MASTL: variants seen among roughly 807,000 people sequenced by gnomAD.
MASTL encodes microtubule associated serine/threonine kinase like.
A neutral mutation model predicts 82.5 loss-of-function variants in MASTL; 54 were observed. The observed-to-expected ratio is 0.65, with a 90% confidence interval of 0.53 to 0.82. MASTL has a LOEUF of 0.82. MASTL is among the 40% of genes least tolerant of loss of function. MASTL has a pLI of 0.00. For synonymous variants in MASTL, 323 were observed against 368.9 expected (o/e 0.88, Z 1.43); for missense variants, 950 against 1,047.8 (o/e 0.91, Z 1.29).
intron 9 of MASTL, among the ~76,000 whole-genome samples, chr10:27,176,265 T>C (rs2058099392): frequency 6.6e-6 from 1 of 152,224 alleles, no homozygotes; most frequent in East Asian, 1.9e-4. Flanking sequence ...TTTTCTTCTC[T>C]GCCACTGTTC....
chr10:27,158,830 T>G lies in MASTL; in HGVS notation c.324+144T>G, dbSNP rs1302217743. 7 of 811,040 alleles carry G rather than the reference T, an allele frequency of 8.6e-6. No homozygotes were observed. In the African/African-American group the frequency reaches 1.2e-4, roughly 14 times the overall value. 50.2% of individuals were successfully genotyped at this position (811,040 alleles called of 1,614,324 possible). A position where few individuals can be genotyped will look rare whatever the true frequency, so the allele number is the denominator to read the frequency against. Reference sequence around the variant, plus strand: ...GCCTTGGCAAATTTACCTGTTATATTAGTTAGAGTTCTCCAAAGAAAAAGA... The same window carrying G: ...GCCTTGGCAAATTTACCTGTTATATGAGTTAGAGTTCTCCAAAGAAAAAGA... On this transcript the variant is annotated intron_variant, in intron 2 of 11. Coordinates refer to ENST00000375940, the MANE Select transcript of MASTL (RefSeq NM_001172303.3).
chr10:27,170,181 A>G lies in MASTL; in HGVS notation c.1222A>G (p.Asn408Asp). ...GGAAGCAGTAGAACTGGATGTAAAT[A>G]ATATAAATATGGACACTGACACAAG... ...SWEAVELDVNNINMDTDTSQL... is the reference protein window; with the variant it reads ...SWEAVELDVNDINMDTDTSQL... The change falls in exon 8 of 12, where the codon AAT becomes GAT. Residue 408 changes from asparagine (N) to aspartate (D), a missense_variant. Physicochemically the swap from Asn to Asp is conservative, Grantham distance 23. Transcript: ENST00000375940. 1 of 1,614,202 alleles carries G rather than the reference A, an allele frequency of 6.2e-7. No homozygotes were observed. Among genetic ancestry groups the G allele is most frequent in the Non-Finnish European group, 8.5e-7 (1 of 1,180,026 alleles).
rs768619928 is a variant in MASTL at position 27,170,136 on chromosome 10, T to C, written c.1177T>C (p.Phe393Leu). The change falls in exon 8 of 12, where the codon TTC becomes CTC. Residue 393 changes from phenylalanine to leucine, a missense_variant. Coordinates refer to ENST00000375940, the MANE Select transcript of MASTL (RefSeq NM_001172303.3). ...TTGTGTAAACCTTGCTAAAAAATGC[T>C]TCTCTGGGGAAGTTTCTTGGGAAGC... ...RSCVNLAKKCFSGEVSWEAVE... is the reference protein window; with the variant it reads ...RSCVNLAKKCLSGEVSWEAVE... The C allele has an allele frequency of 6.2e-7, 1 of 1,614,202 alleles. No homozygotes were observed. Among genetic ancestry groups the C allele is most frequent in the South Asian group, 1.1e-5 (1 of 91,084 alleles).
At chr10:27,164,504 T>C (rs1326657493) in intron 4 of MASTL, among the ~76,000 whole-genome samples, 1 of 152,182 alleles carries the variant, frequency 6.6e-6, no homozygotes, top group Non-Finnish European at 1.5e-5. Flanking sequence ...TATGTGTCAG[T>C]GTTGAATTAT....
intron 4 of MASTL, among the ~76,000 whole-genome samples, chr10:27,164,101 C>T (rs1281250149): frequency 2.0e-5 from 3 of 152,090 alleles, no homozygotes; most frequent in Non-Finnish European, 4.4e-5. Flanking sequence ...CCACCACACC[C>T]AGCTAATTTT....
At chr10:27,175,948 T>G (rs1052653509) in intron 9 of MASTL, among the ~76,000 whole-genome samples, 10 of 151,868 alleles carry the variant, frequency 6.6e-5, no homozygotes, top group African/African-American at 1.7e-4. Context: ...AATACAAAAA[T>G]TAGCCAGGCG....
intron 7 of MASTL, among the ~76,000 whole-genome samples, chr10:27,168,996 T>C (rs2057829971): frequency 6.6e-6 from 1 of 152,098 alleles, no homozygotes; most frequent in East Asian, 1.9e-4. Flanking sequence ...CAATATTATA[T>C]ACAAAGCTGA....
At position 27,173,203 on chromosome 10, in the gene MASTL, G is replaced by A. The variant is rs36099197; in HGVS notation, c.2210G>A (p.Arg737Gln). Residue 737 changes from arginine to glutamine, a missense_variant, in exon 9 of 12, where the codon CGA (arginine) becomes CAA (glutamine). Transcript: ENST00000375940. ...GGGGTGGCCCCCGTTGATGATGGGCGAATTCTAGGAACCCCAGACTACCTT... is the reference window on the plus strand; with the variant it reads ...GGGGTGGCCCCCGTTGATGATGGGCAAATTCTAGGAACCCCAGACTACCTT... ...RRGVAPVDDG[R>Q]ILGTPDYLAP... The A allele has an allele frequency of 6.8e-6, 11 of 1,614,142 alleles. No homozygotes were observed. Among genetic ancestry groups the A allele is most frequent in the Non-Finnish European group, 8.5e-6 (10 of 1,180,032 alleles).
intron 5 of MASTL, 83 bp downstream of exon 5, chr10:27,165,253 A>T: frequency 1.4e-6 from 2 of 1,380,060 alleles, no homozygotes; most frequent in Non-Finnish European, 2.1e-6. Context: ...AAAAAAAAAG[A>T]TCAAAATAGA....
In MASTL at chr10:27,187,090, A is replaced by T. The variant is rs933993792; in HGVS notation, c.*554A>T. On this transcript the variant is annotated 3_prime_UTR_variant, in exon 12 of 12. Coordinates refer to ENST00000375940, the MANE Select transcript of MASTL (RefSeq NM_001172303.3). Reference sequence around the variant, plus strand: ...GCCGAGGCAGGCTGATCTTGAGGTCAGGAGTTCAAGACCATCCTGGCCAAC... The same window carrying T: ...GCCGAGGCAGGCTGATCTTGAGGTCTGGAGTTCAAGACCATCCTGGCCAAC... 6.6e-6 allele frequency among the ~76,000 whole-genome samples: 1 copy of T among 152,050 alleles called. No individual in the cohort carries two copies. The highest frequency in any genetic ancestry group is 1.5e-5 in the Non-Finnish European group (1 of 68,020).
Position 27,173,271 on chromosome 10 carries a change from A to G in MASTL, c.2266+12A>G, listed in dbSNP as rs1213642906. 1.9e-6 allele frequency: 3 copies of G among 1,613,956 alleles called. No individual in the cohort carries two copies. The highest frequency in any genetic ancestry group is 4.5e-5 in the East Asian group (2 of 44,894). ...AGGCAGGGCCCATGGTAAGGCATGC[A>G]TGTCTTGAGTTTTTGAAGTGTTATC... On this transcript the variant is annotated intron_variant, in intron 9 of 11. Coordinates refer to ENST00000375940, the MANE Select transcript of MASTL (RefSeq NM_001172303.3).
At chr10:27,156,423 G>C (rs1388746106) in intron 1 of MASTL, among the ~76,000 whole-genome samples, 2 of 152,234 alleles carry the variant, frequency 1.3e-5, no homozygotes, top group African/African-American at 2.4e-5. Context: ...TACCACAGAA[G>C]AGTGATTAAT....
intron 5 of MASTL, 47 bp from the exon 6 acceptor site, chr10:27,165,342 T>G: frequency 6.2e-7 from 1 of 1,603,226 alleles, no homozygotes. Context: ...TTAGGTGGTG[T>G]TTTGGGGAAG....
At chr10:27,163,735 A>G (rs1362801333) in intron 4 of MASTL, among the ~76,000 whole-genome samples, 1 of 151,426 alleles carries the variant, frequency 6.6e-6, no homozygotes, top group African/African-American at 2.4e-5. Flanking sequence ...GGTTCACGCC[A>G]TTCTCCTGCC....
chr10:27,169,151 T>A (rs890465424), intron 7 of MASTL, among the ~76,000 whole-genome samples: 1 of 152,220 alleles, frequency 6.6e-6, no homozygotes, highest in South Asian at 2.1e-4. Flanking sequence ...CATTTCATCC[T>A]TATCAGCTTG....
intron 7 of MASTL, among the ~76,000 whole-genome samples, chr10:27,167,740 C>T (rs1215060885): frequency 6.6e-6 from 1 of 152,194 alleles, no homozygotes; most frequent in Admixed American, 6.5e-5. Flanking sequence ...GGAAAGGTAA[C>T]GTGGGTGTGC....
intron 11 of MASTL, among the ~76,000 whole-genome samples, chr10:27,183,626 A>G (rs2058457702): frequency 6.6e-6 from 1 of 152,164 alleles, no homozygotes; most frequent in South Asian, 2.1e-4. Flanking sequence ...GCATTTCTTT[A>G]TCAAGTAGAA....
chr10:27,154,621 G>A (rs1186007149), upstream of MASTL: 3 of 285,448 alleles, frequency 1.1e-5, no homozygotes, highest in Non-Finnish European at 1.9e-5. Flanking sequence ...CCAGGCTGGC[G>A]TACAGTGGCG....
intron 10 of MASTL, 134 bp from the exon 11 acceptor site, chr10:27,181,346 A>C: frequency 1.4e-6 from 1 of 691,750 alleles, no homozygotes; most frequent in South Asian, 1.6e-5. Context: ...AGCTGAGATC[A>C]CGCTTTTGCA....
Sources: allele counts gnomAD v4.1 joint callset (sites outside exome capture counted in the v4.1 genomes callset), GRCh38; gene constraint gnomAD v4.1.1; transcripts MANE v1.5; gene names NCBI Gene and HGNC (gene_info 2026-07-23, HGNC 2026-07-21).